Variants in CDH26 observed in about 807,000 individuals in gnomAD.
CDH26 encodes the protein cadherin 26, also known as cadherin-like protein 26.
Under a neutral mutation model 90.3 loss-of-function variants are expected in CDH26, and 83 were observed. The observed-to-expected ratio is 0.92, with a 90% CI of 0.77 to 1.10. The LOEUF (loss-of-function observed/expected upper bound fraction) is 1.10. Among genes scored for constraint, CDH26 ranks in the 50% least tolerant of loss-of-function variants. CDH26 has a pLI of 0.00. For synonymous variants in CDH26, 397 were observed against 396.3 expected (o/e 1.00, Z -0.02); for missense variants, 1,013 against 1,037.6 (o/e 0.98, Z 0.33).
chr20:60,019,756 T>A (rs188829344), intron 7 of CDH26, among the ~76,000 whole-genome samples: 1 of 152,230 alleles, frequency 6.6e-6, no homozygotes, highest in Non-Finnish European at 1.5e-5. Flanking sequence ...GGAGGTGTCA[T>A]GTTTCCTTGC....
intron 16 of CDH26, among the ~76,000 whole-genome samples, chr20:60,005,138 C>T (rs1388491687): frequency 2.6e-5 from 4 of 151,938 alleles, no homozygotes; most frequent in African/African-American, 9.7e-5. Context: ...AATATATTTT[C>T]CTTAATGACA....
intron 7 of CDH26, among the ~76,000 whole-genome samples, chr20:60,029,171 A>T (rs1280886918): frequency 6.6e-6 from 1 of 152,158 alleles, no homozygotes; most frequent in Non-Finnish European, 1.5e-5. Flanking sequence ...TTTCCAGGAG[A>T]TGGGGTGGGG....
At chr20:59,982,864 T>G in intron 4 of CDH26, 59 bp from the exon 5 acceptor site, 1 of 1,570,076 alleles carries the variant, frequency 6.4e-7, no homozygotes, top group South Asian at 1.1e-5. Context: ...ACAGTTATTT[T>G]ATTAGAGTGT....
chr20:59,968,233 G>T (rs1281233523), intron 1 of CDH26, among the ~76,000 whole-genome samples: 1 of 151,740 alleles, frequency 6.6e-6, no homozygotes, highest in Non-Finnish European at 1.5e-5. Flanking sequence ...AAGTAACTGG[G>T]ATTACAGGCG....
chr20:60,001,767 T>A (rs567921737), intron 15 of CDH26, among the ~76,000 whole-genome samples: 2 of 152,376 alleles, frequency 1.3e-5, no homozygotes, highest in Admixed American at 1.3e-4. Context: ...TCCAGCCCAG[T>A]GACTGCATGC....
At chr20:60,024,699 G>A (rs2061982781) in intron 7 of CDH26, among the ~76,000 whole-genome samples, 1 of 152,228 alleles carries the variant, frequency 6.6e-6, no homozygotes, top group African/African-American at 2.4e-5. Context: ...ACACAGGTCT[G>A]TGGGTGGCCA....
In CDH26 at chr20:60,033,591, C is replaced by G; in HGVS notation, c.1250C>G (p.Ser417Ter). ...CGAGTCCAGAGTGCGCATTCCCCAT[C>G]ACCCCTTAACAAAAAGGCATGTTTC... The change falls in exon 9 of 9, where the codon TCA (serine) becomes TGA (stop). Residue 417 changes from serine (S) to a stop codon, truncating the protein, a stop_gained. Transcript: ENST00000370991. LOFTEE classifies it low-confidence loss of function (END_TRUNC). The G allele has an allele frequency of 7.7e-7, 1 of 1,304,766 alleles. No individual in the cohort carries two copies. The allele number at this position is 1,304,766 out of a possible 1,614,324, so 80.8% of individuals were successfully genotyped here.
At chr20:59,996,438 T>C in intron 12 of CDH26, 193 bp from the exon 13 acceptor site, 2 of 1,586,108 alleles carry the variant, frequency 1.3e-6, no homozygotes, top group South Asian at 1.1e-5. Flanking sequence ...TATTGATTAA[T>C]TCAACAAACA....
intron 1 of CDH26, among the ~76,000 whole-genome samples, chr20:59,964,040 T>C (rs1011260243): frequency 2.6e-5 from 4 of 152,184 alleles, no homozygotes; most frequent in Admixed American, 2.6e-4. Flanking sequence ...TCACTGAATC[T>C]GGAACAAAGA....
chr20:60,033,566 C>T lies in CDH26; in HGVS notation c.1225C>T (p.Arg409Ter), dbSNP rs957269117. The stretch of plus-strand genomic sequence containing the variant: ...GCTGAGAAATGAACAAGGTGGGGTT[C>T]GAGTCCAGAGTGCGCATTCCCCATC... Residue 409 changes from arginine to a stop codon, truncating the protein, a stop_gained, in exon 9 of 9, where the codon CGA (arginine) becomes TGA (stop). Transcript: ENST00000370991. LOFTEE classifies it low-confidence loss of function (END_TRUNC). 15 of 1,304,404 alleles carry T rather than the reference C, an allele frequency of 1.1e-5. No homozygotes were observed. The highest frequency in any genetic ancestry group is 5.5e-5 in the East Asian group (1 of 18,048). The allele number at this position is 1,304,404 out of a possible 1,614,324, so 80.8% of individuals were successfully genotyped here.
Position 60,002,247 on chromosome 20 carries a change from A to G in CDH26, c.2167-566A>G, listed in dbSNP as rs1300215330. 7.2e-5 allele frequency among the ~76,000 whole-genome samples: 11 copies of G among 152,172 alleles called. 1 individual carries two copies. The East Asian group carries it at 2.2e-3, about 30-fold the overall frequency. ...AAAACATGATGTTCTTCTTTGCACA[A>G]AGATGATGCCACAAATCCATCACTG... On this transcript the variant is annotated intron_variant, in intron 15 of 17. Transcript: ENST00000348616.
intron 16 of CDH26, among the ~76,000 whole-genome samples, chr20:60,006,165 A>G (rs1400660180): frequency 3.3e-5 from 5 of 152,224 alleles, no homozygotes; most frequent in Admixed American, 6.5e-5. Context: ...CCTCCAGGCC[A>G]GCCTGACTCA....
chr20:59,983,851 C>A (rs1203951311), intron 5 of CDH26, among the ~76,000 whole-genome samples: 2 of 152,068 alleles, frequency 1.3e-5, no homozygotes, highest in Non-Finnish European at 2.9e-5. Flanking sequence ...TCTAAAGGTG[C>A]AATTTTACTG....
chr20:60,006,770 G>A lies in CDH26; in HGVS notation c.2278G>A (p.Ala760Thr). 6.2e-7 allele frequency: 1 copy of A among 1,613,948 alleles called. No individual in the cohort carries two copies. The highest frequency in any genetic ancestry group is 8.5e-7 in the Non-Finnish European group (1 of 1,179,816). Residue 760 changes from alanine to threonine, a missense_variant, in exon 17 of 18, where the codon GCA becomes ACA. Coordinates refer to ENST00000348616, the MANE Select transcript of CDH26 (RefSeq NM_177980.4). ...CCTGGCTCCGGTGGAAGGAAGGATG[G>A]CAGAGACATTGAATCAGGTAGGGAG... ...QLLAPVEGRM[A>T]ETLNQKLHVA...
At chr20:59,964,095 T>A (rs958891135) in intron 1 of CDH26, among the ~76,000 whole-genome samples, 3 of 152,232 alleles carry the variant, frequency 2.0e-5, no homozygotes, top group African/African-American at 7.2e-5. Context: ...TCTGCTGATT[T>A]TTAGGACTCG....
intron 5 of CDH26, among the ~76,000 whole-genome samples, chr20:59,983,768 T>C (rs2061422114): frequency 6.6e-6 from 1 of 152,184 alleles, no homozygotes; most frequent in African/African-American, 2.4e-5. Context: ...GTACACATTG[T>C]ATATGCGTAT....
intron 17 of CDH26, among the ~76,000 whole-genome samples, chr20:60,009,896 T>C (rs965180711): frequency 9.2e-5 from 14 of 152,264 alleles, no homozygotes; most frequent in African/African-American, 3.4e-4. Flanking sequence ...TCCTAACACG[T>C]AGGCCAGAGC....
At chr20:60,001,143 C>G (rs2061671385) in intron 14 of CDH26, among the ~76,000 whole-genome samples, 200 bp from the exon 15 acceptor site, 1 of 152,116 alleles carries the variant, frequency 6.6e-6, no homozygotes, top group Non-Finnish European at 1.5e-5. Flanking sequence ...TTCCATTGTG[C>G]CTGCCCTTTT....
At chr20:59,974,845 A>C (rs2061308938) in intron 4 of CDH26, among the ~76,000 whole-genome samples, 1 of 151,882 alleles carries the variant, frequency 6.6e-6, no homozygotes, top group Non-Finnish European at 1.5e-5. Flanking sequence ...ACCACTCATC[A>C]CCTGAAATGT....
Sources: allele counts gnomAD v4.1 joint callset (sites outside exome capture counted in the v4.1 genomes callset), GRCh38; gene constraint gnomAD v4.1.1; transcripts MANE v1.5; gene names NCBI Gene and HGNC (gene_info 2026-07-23, HGNC 2026-07-21).